The following PDE7B variants were observed in gnomAD, a reference collection of about 807,000 sequenced individuals.
The protein encoded by PDE7B is 3',5'-cyclic-AMP phosphodiesterase 7B.
PDE7B carries 29 observed loss-of-function variants against 56.2 expected under a neutral mutation model. The observed-to-expected ratio is 0.52, with a 90% CI of 0.38 to 0.70. The LOEUF (loss-of-function observed/expected upper bound fraction) is 0.70, where lower values mean the gene tolerates loss of function less well. Among genes scored for constraint, PDE7B ranks in the 30% least tolerant of loss-of-function variants. The probability of loss-of-function intolerance (pLI) is 0.00; values close to 1 mark genes in which losing one functional copy is unlikely to be tolerated. For missense variants in PDE7B, 490 were observed against 565.0 expected (o/e 0.87, Z 1.35); for synonymous variants, 197 against 196.9 (o/e 1.00, Z 0.00).
chr6:135,893,436 T>C (rs1438527875), intron 1 of PDE7B, among the ~76,000 whole-genome samples: 4 of 152,080 alleles, frequency 2.6e-5, no homozygotes, highest in African/African-American at 7.2e-5. Context: ...CCATGGTGTA[T>C]ATGTGCCACA....
At chr6:135,911,726 G>T (rs1562436056) in intron 1 of PDE7B, among the ~76,000 whole-genome samples, 2 of 152,086 alleles carry the variant, frequency 1.3e-5, no homozygotes, top group Admixed American at 6.6e-5. Flanking sequence ...TATCCAATAT[G>T]GTAACTACAA....
chr6:136,092,828 TCAGA>T (rs1250464787), intron 2 of PDE7B, among the ~76,000 whole-genome samples: 1 of 152,126 alleles, frequency 6.6e-6, no homozygotes, highest in African/African-American at 2.4e-5. Context: ...GTACAAAGTC[TCAGA>T]CAGGATAAAT....
chr6:135,972,265 A>G (rs1359052652), intron 2 of PDE7B, among the ~76,000 whole-genome samples: 4 of 150,642 alleles, frequency 2.7e-5, no homozygotes, highest in Non-Finnish European at 4.4e-5. Context: ...AAAAAAACCC[A>G]AAAAACAGGG....
At position 136,155,999 on chromosome 6, in the gene PDE7B, A is replaced by G. The variant is rs541599185; in HGVS notation, c.711+241A>G. 2.5e-4 allele frequency: 155 copies of G among 616,854 alleles called. 1 individual carries two copies. The highest frequency in any genetic ancestry group is 2.4e-3 in the South Asian group (150 of 62,256). 38.2% of individuals were successfully genotyped at this position (616,854 alleles called of 1,614,324 possible). ...TGAGGAATTAGCTCATGTCGATACA[A>G]TTGTTTTTTAAAATCTCTAAAGAGT... On this transcript the variant is annotated intron_variant, in intron 8 of 12. Coordinates refer to ENST00000308191, the MANE Select transcript of PDE7B (RefSeq NM_018945.4).
At chr6:135,879,388 A>G (rs1775562858) in intron 1 of PDE7B, among the ~76,000 whole-genome samples, 1 of 152,188 alleles carries the variant, frequency 6.6e-6, no homozygotes, top group Admixed American at 6.5e-5. Context: ...ATCAACAAAT[A>G]TAGTAAATAA....
intron 2 of PDE7B, among the ~76,000 whole-genome samples, chr6:135,975,267 C>T (rs888709960): frequency 3.3e-5 from 5 of 151,982 alleles, no homozygotes; most frequent in Non-Finnish European, 1.5e-5. Flanking sequence ...GCAGCAAGTT[C>T]ACCAGGCCAC....
At chr6:136,186,340 G>C (rs1333848866) in intron 11 of PDE7B, among the ~76,000 whole-genome samples, 1 of 152,012 alleles carries the variant, frequency 6.6e-6, no homozygotes, top group African/African-American at 2.4e-5. Context: ...AAGCAGAAGG[G>C]TTGTTTGAGC....
chr6:136,183,065 C>T (rs1157835711), intron 11 of PDE7B, among the ~76,000 whole-genome samples: 1 of 142,550 alleles, frequency 7.0e-6, no homozygotes, highest in South Asian at 2.2e-4. Context: ...GAGCAAGACT[C>T]CGTCTCCAAA....
In PDE7B at chr6:135,983,773, T is replaced by C. The variant is rs1365808652; in HGVS notation, c.82+36249T>C. 3.3e-5 allele frequency among the ~76,000 whole-genome samples: 5 copies of C among 152,194 alleles called. No individual in the cohort carries two copies. The East Asian group carries it at 9.6e-4, about 29-fold the overall frequency. On this transcript the variant is annotated intron_variant, in intron 2 of 12. Coordinates refer to ENST00000308191, the MANE Select transcript of PDE7B (RefSeq NM_018945.4). ...ATTTCTGAAGACAAAAATGTATTGA[T>C]CTTCTATATAAACACCCAGAATCCA...
intron 3 of PDE7B, among the ~76,000 whole-genome samples, chr6:136,144,720 T>C (rs1231319463): frequency 6.6e-6 from 1 of 152,160 alleles, no homozygotes; most frequent in Non-Finnish European, 1.5e-5. Context: ...TTCATGATAT[T>C]GACATTTTTT....
chr6:136,015,093 T>C (rs1775955327), intron 2 of PDE7B, among the ~76,000 whole-genome samples: 1 of 152,202 alleles, frequency 6.6e-6, no homozygotes, highest in African/African-American at 2.4e-5. Context: ...CCAGAGCCAA[T>C]TCCATGATAT....
chr6:136,186,985 T>C (rs376860609), intron 11 of PDE7B, 51 bp from the exon 12 acceptor site: 60 of 919,706 alleles, frequency 6.5e-5, no homozygotes, highest in Admixed American at 1.9e-5. Context: ...ATACTCATTT[T>C]ATAAGTTCTA....
intron 3 of PDE7B, among the ~76,000 whole-genome samples, chr6:136,133,965 G>C (rs1279648591): frequency 1.3e-5 from 2 of 152,138 alleles, no homozygotes; most frequent in Non-Finnish European, 2.9e-5. Flanking sequence ...ACTTTTGGGA[G>C]ATAAAAATGG....
At chr6:136,105,279 G>A (rs1355320704) in intron 2 of PDE7B, among the ~76,000 whole-genome samples, 2 of 152,136 alleles carry the variant, frequency 1.3e-5, no homozygotes, top group African/African-American at 2.4e-5. Context: ...TCAGCAAACA[G>A]CAATCAAAGC....
intron 3 of PDE7B, among the ~76,000 whole-genome samples, chr6:136,142,017 T>G (rs1312710397): frequency 2.6e-5 from 4 of 152,326 alleles, no homozygotes; most frequent in Non-Finnish European, 5.9e-5. Context: ...TGTTTGCTCT[T>G]GCTTCTCTAG....
intron 3 of PDE7B, among the ~76,000 whole-genome samples, chr6:136,140,106 C>A (rs1267834648): frequency 6.6e-6 from 1 of 152,094 alleles, no homozygotes; most frequent in African/African-American, 2.4e-5. Flanking sequence ...GGTTTTAGGT[C>A]TAACATTTAA....
At chr6:135,934,872 TATAA>T (rs1343907349) in intron 1 of PDE7B, among the ~76,000 whole-genome samples, 3 of 106,568 alleles carry the variant, frequency 2.8e-5, no homozygotes, top group African/African-American at 4.2e-5. Flanking sequence ...TAAAAATATA[TATAA>T]ATATTTATTT....
In PDE7B at chr6:135,891,551, C is replaced by G. The variant is rs117471413; in HGVS notation, c.21+39532C>G. On this transcript the variant is annotated intron_variant, in intron 1 of 12. Coordinates refer to ENST00000308191, the MANE Select transcript of PDE7B (RefSeq NM_018945.4). ...CAGAGCAAAACTGAGGTGAGAAATT[C>G]AAACACCTTCTAAACGCGGAGCTCC... Among the ~76,000 whole-genome samples, 69 of 152,216 alleles carry G rather than the reference C, an allele frequency of 4.5e-4. No homozygotes were observed. In the East Asian group the frequency reaches 0.013, roughly 29 times the overall value.
chr6:136,169,226 C>T (rs1778844263), intron 8 of PDE7B, among the ~76,000 whole-genome samples: 1 of 152,134 alleles, frequency 6.6e-6, no homozygotes, highest in Non-Finnish European at 1.5e-5. Flanking sequence ...CCTCTCTATG[C>T]TGTTCTTCTT....
Sources: gnomAD v4.1 joint callset for allele counts (sites outside exome capture counted in the v4.1 genomes callset) on GRCh38, gnomAD v4.1.1 for gene constraint, MANE v1.5 for transcripts, NCBI Gene and HGNC (gene_info 2026-07-23, HGNC 2026-07-21) for gene names.